Variants in GNA13 observed in about 807,000 individuals in gnomAD.
GNA13 encodes guanine nucleotide-binding protein subunit alpha-13.
GNA13 carries 4 observed loss-of-function variants against 33.5 expected under a neutral mutation model. That is an observed-to-expected ratio of 0.12 (90% CI 0.06 to 0.27). GNA13 has a LOEUF of 0.27. Ranked by LOEUF, GNA13 falls within the 10% of genes least tolerant of loss-of-function variation. The probability of loss-of-function intolerance (pLI) is 1.00; values close to 1 mark genes in which losing one functional copy is unlikely to be tolerated. For missense variants in GNA13, 319 were observed against 487.2 expected, an observed-to-expected ratio of 0.65 and a Z score of 3.25; for synonymous variants, 176 against 183.8, an observed-to-expected ratio of 0.96 and a Z score of 0.34.
At position 65,010,514 on chromosome 17, in the gene GNA13, C is replaced by G. The variant is rs1182237163; in HGVS notation, c.*3743G>C. ...CCTATCATTAAAAAACAAAACAAAA[C>G]AAAACAAAACAGTGCTTTTAGTCAA... On this transcript the variant is annotated 3_prime_UTR_variant, in exon 4 of 4. Coordinates refer to ENST00000439174, the MANE Select transcript of GNA13 (RefSeq NM_006572.6). Among the ~76,000 whole-genome samples, 16 of 152,064 alleles carry G rather than the reference C, an allele frequency of 1.1e-4. No homozygotes were observed. The highest frequency in any genetic ancestry group is 4.4e-5 in the Non-Finnish European group (3 of 67,972).
intron 1 of GNA13, among the ~76,000 whole-genome samples, chr17:65,054,139 T>C (rs1401342506): frequency 6.6e-6 from 1 of 152,236 alleles, no homozygotes; most frequent in East Asian, 1.9e-4. Flanking sequence ...GATGTTCATT[T>C]ATGAAACACT....
chr17:65,029,625 T>TG (rs72528060), intron 2 of GNA13, among the ~76,000 whole-genome samples: 40 of 151,528 alleles, frequency 2.6e-4, no homozygotes, highest in Middle Eastern at 3.4e-3. Context: ...CACTTACGGT[T>TG]TATACCACTC....
At chr17:65,025,817 CAAAAAAAAA>C (rs3972220) in intron 2 of GNA13, among the ~76,000 whole-genome samples, 1 of 104,626 alleles carries the variant, frequency 9.6e-6, no homozygotes, top group Non-Finnish European at 2.0e-5. Context: ...CCCATCTCTA[CAAAAAAAAA>C]AAAAAAAAAA....
At chr17:65,056,273 CTGCCCTTA>C in intron 1 of GNA13, 30 bp downstream of exon 1, 2 of 1,428,256 alleles carry the variant, frequency 1.4e-6, no homozygotes, top group Non-Finnish European at 1.9e-6. Context: ...CCCAGCCCCC[CTGCCCTTA>C]ACCCCCGGCC....
At chr17:65,051,918 T>C (rs1907872339) in intron 2 of GNA13, 1 of 152,136 alleles carries the variant, frequency 6.6e-6, no homozygotes, top group Non-Finnish European at 1.5e-5. Context: ...AGACGGTAAA[T>C]AATCAAATGC....
intron 1 of GNA13, 125 bp downstream of exon 1, chr17:65,056,186 A>C: frequency 9.6e-5 from 65 of 680,174 alleles, no homozygotes; most frequent in East Asian, 1.1e-4. Flanking sequence ...CCTTCCCGCC[A>C]GCCCGCCCGC....
chr17:65,016,933 CT>C (rs1381929338), intron 3 of GNA13, among the ~76,000 whole-genome samples: 3 of 152,206 alleles, frequency 2.0e-5, no homozygotes, highest in Non-Finnish European at 4.4e-5. Context: ...CATTAACGTG[CT>C]GTACTTTACA....
At chr17:65,021,598 T>C (rs1158956780) in intron 2 of GNA13, among the ~76,000 whole-genome samples, 1 of 152,234 alleles carries the variant, frequency 6.6e-6, no homozygotes, top group Admixed American at 6.5e-5. Flanking sequence ...GGAAAGGATT[T>C]AGAATGCACT....
At chr17:65,027,053 C>T (rs570753433) in intron 2 of GNA13, among the ~76,000 whole-genome samples, 2 of 152,314 alleles carry the variant, frequency 1.3e-5, no homozygotes, top group African/African-American at 4.8e-5. Context: ...GCTGGGATTA[C>T]AGGCGTGAGC....
rs1268950241 is a variant in GNA13, at chr17:65,010,789, C to G, written c.*3468G>C. On this transcript the variant is annotated 3_prime_UTR_variant, in exon 4 of 4. Coordinates refer to ENST00000439174, the MANE Select transcript of GNA13 (RefSeq NM_006572.6). ...ACAGGCATGATTTCACGGATTCAAA[C>G]AAGAAATTAACACTGATATTTAGCC... 1 of 211,202 alleles carries G rather than the reference C, an allele frequency of 4.7e-6. No individual in the cohort carries two copies. The highest frequency in any genetic ancestry group is 2.3e-5 in the African/African-American group (1 of 44,126). 13.1% of individuals were successfully genotyped at this position (211,202 alleles called of 1,614,324 possible). A position where few individuals can be genotyped will look rare whatever the true frequency, so the allele number is the denominator to read the frequency against.
chr17:65,023,074 C>A (rs995299216), intron 2 of GNA13, among the ~76,000 whole-genome samples: 2 of 152,174 alleles, frequency 1.3e-5, no homozygotes, highest in Non-Finnish European at 2.9e-5. Context: ...TGTGGAAGAG[C>A]TACGTGTGAG....
chr17:65,043,816 C>G (rs184131607), intron 2 of GNA13, among the ~76,000 whole-genome samples: 1 of 152,246 alleles, frequency 6.6e-6, no homozygotes, highest in Admixed American at 6.5e-5. Flanking sequence ...GTTTACCCAC[C>G]GCATGGATTT....
rs1906138954 is a variant in GNA13 at position 65,010,210 on chromosome 17, G to A, written c.*4047C>T. ...TTCAAGTACAGACATAAGAATGCTA[G>A]TGGTACAAACACTGTACTCCAAATG... On this transcript the variant is annotated 3_prime_UTR_variant, in exon 4 of 4. Transcript: ENST00000439174. 6.6e-6 allele frequency among the ~76,000 whole-genome samples: 1 copy of A among 152,166 alleles called. No homozygotes were observed. The highest frequency in any genetic ancestry group is 2.4e-5 in the African/African-American group (1 of 41,438).
intron 1 of GNA13, chr17:65,055,897 G>C (rs1908034309): frequency 1.6e-5 from 4 of 250,604 alleles, no homozygotes; most frequent in Non-Finnish European, 2.5e-5. Flanking sequence ...CACATCGCCC[G>C]AGCAGGGGAT....
chr17:65,019,990 A>G (rs865829278), intron 2 of GNA13, among the ~76,000 whole-genome samples: 2 of 152,234 alleles, frequency 1.3e-5, no homozygotes, highest in Non-Finnish European at 2.9e-5. Flanking sequence ...AGAAAAATTA[A>G]AAAAATAAAA....
chr17:65,027,240 C>T (rs1397372360), intron 2 of GNA13, among the ~76,000 whole-genome samples: 1 of 152,048 alleles, frequency 6.6e-6, no homozygotes, highest in Non-Finnish European at 1.5e-5. Flanking sequence ...ATCCAAAGTG[C>T]ACCTGTCTTT....
Position 65,052,438 on chromosome 17 carries a change from G to A in GNA13, c.510+1064C>T, listed in dbSNP as rs537432834. The stretch of plus-strand genomic sequence containing the variant: ...CAAAGTGCTGGGATTACAGGCATGA[G>A]CCACCGTGCCCAGCCAGCAGTTTTA... On this transcript the variant is annotated intron_variant, in intron 2 of 3. Transcript: ENST00000439174. Among the ~76,000 whole-genome samples, 3 of 152,316 alleles carry A rather than the reference G, an allele frequency of 2.0e-5. No homozygotes were observed. In the South Asian group the frequency reaches 6.2e-4, roughly 32 times the overall value.
At chr17:65,047,477 A>G (rs1049283055) in intron 2 of GNA13, among the ~76,000 whole-genome samples, 12 of 152,254 alleles carry the variant, frequency 7.9e-5, no homozygotes, top group Non-Finnish European at 1.6e-4. Flanking sequence ...AATATTTAAC[A>G]CTAATCCTAG....
intron 2 of GNA13, among the ~76,000 whole-genome samples, chr17:65,028,805 A>G (rs942513951): frequency 7.2e-5 from 11 of 151,980 alleles, no homozygotes; most frequent in African/African-American, 2.7e-4. Context: ...TCTTCTTCCA[A>G]TCTGCAGCCT....
Sources: gnomAD v4.1 joint callset for allele counts (sites outside exome capture counted in the v4.1 genomes callset) on GRCh38, gnomAD v4.1.1 for gene constraint, MANE v1.5 for transcripts, NCBI Gene and HGNC (gene_info 2026-07-23, HGNC 2026-07-21) for gene names.